The following RFTN1 variants were observed in gnomAD, a reference collection of about 807,000 sequenced individuals.
RFTN1 encodes raftlin.
Under a neutral mutation model 46.5 loss-of-function variants are expected in RFTN1, and 26 were observed. The ratio of observed to expected loss-of-function variants is 0.56; its 90% CI spans 0.41 to 0.78. The LOEUF (loss-of-function observed/expected upper bound fraction) is 0.78. Ranked by LOEUF, RFTN1 falls within the 30% of genes least tolerant of loss-of-function variation. RFTN1 has a pLI of 0.00. For synonymous variants in RFTN1, 261 were observed against 284.2 expected (o/e 0.92, Z 0.82); for missense variants, 693 against 718.7 (o/e 0.96, Z 0.41).
At chr3:16,343,295 C>T (rs1194532564) in intron 7 of RFTN1, among the ~76,000 whole-genome samples, 2 of 152,178 alleles carry the variant, frequency 1.3e-5, no homozygotes, top group Admixed American at 6.5e-5. Flanking sequence ...AGTCCTAGGC[C>T]CCAGCCACTT....
chr3:16,442,129 A>AAAAAC lies in RFTN1; in HGVS notation c.146-8097_146-8093dup, dbSNP rs372224114. ...AACAAACTCATGTATCTGAAACTTA[A>AAAAAC]AAAACAAAACAAAACAAAACAAAAC... On this transcript the variant is annotated intron_variant, in intron 2 of 9. Transcript: ENST00000334133. This position sits in a 1 kb window ranked among gnomAD's most constrained non-coding sequence, Gnocchi z 4.1. Among the ~76,000 whole-genome samples the AAAAAC allele has an allele frequency of 1.3e-3, 192 of 152,286 alleles. 1 individual carries two copies. The highest frequency in any genetic ancestry group is 6.8e-3 in the South Asian group (33 of 4,826).
At chr3:16,456,551 C>T (rs531755340) in intron 2 of RFTN1, among the ~76,000 whole-genome samples, 8 of 152,254 alleles carry the variant, frequency 5.3e-5, no homozygotes, top group Non-Finnish European at 8.8e-5. Flanking sequence ...AAACACCCTC[C>T]GCTGACCAAA....
intron 2 of RFTN1, among the ~76,000 whole-genome samples, chr3:16,439,114 AT>A (rs2075573428): frequency 6.6e-6 from 1 of 152,230 alleles, no homozygotes; most frequent in Admixed American, 6.5e-5. Context: ...AAAGAAACAA[AT>A]AAAAATGAAT....
At chr3:16,404,045 TTA>T (rs1223786588) in intron 4 of RFTN1, among the ~76,000 whole-genome samples, 1 of 5,888 alleles carries the variant, frequency 1.7e-4, no homozygotes, top group African/African-American at 5.4e-4. Context: ...AATATATATT[TTA>T]TATATATATT....
At chr3:16,416,600 T>A (rs903629668) in intron 3 of RFTN1, among the ~76,000 whole-genome samples, 1 of 152,226 alleles carries the variant, frequency 6.6e-6, no homozygotes, top group Non-Finnish European at 1.5e-5. Context: ...CTGTTAAATC[T>A]CAAGTTATTC....
At position 16,362,619 on chromosome 3, in the gene RFTN1, G is replaced by T. The variant is rs75606705; in HGVS notation, c.1031-4572C>A. ...GACACTCAATGATTCCATCAGGATT[G>T]TATCAACACAGCACACATTTCCTCA... On this transcript the variant is annotated intron_variant, in intron 6 of 9. Transcript: ENST00000334133. 9.0e-3 allele frequency among the ~76,000 whole-genome samples: 1,375 copies of T among 152,258 alleles called. 26 individuals carry two copies. Among genetic ancestry groups the T allele is most frequent in the African/African-American group, 0.032 (1,340 of 41,542 alleles).
chr3:16,399,923 T>A (rs2074560559), intron 4 of RFTN1, among the ~76,000 whole-genome samples: 1 of 152,148 alleles, frequency 6.6e-6, no homozygotes, highest in Non-Finnish European at 1.5e-5. Context: ...TACATCTCTG[T>A]CAAGACGCTC....
intron 2 of RFTN1, chr3:16,482,950 C>T (rs2076392457): frequency 1.2e-6 from 1 of 856,548 alleles, no homozygotes; most frequent in South Asian, 1.7e-5. Flanking sequence ...GGGCCTCTTG[C>T]AGCAGTATCA....
chr3:16,498,832 A>G lies in RFTN1; in HGVS notation c.-8-4955T>C, dbSNP rs966345407. ...ACATCATTTCAAAAATGTCTATACC[A>G]TGCTCAAAACAAGTCAGAAAAATCT... On this transcript the variant is annotated intron_variant, in intron 1 of 9. Coordinates refer to ENST00000334133, the MANE Select transcript of RFTN1 (RefSeq NM_015150.2). This position sits in a 1 kb window ranked among gnomAD's most constrained non-coding sequence, Gnocchi z 5.2. 6.6e-6 allele frequency among the ~76,000 whole-genome samples: 1 copy of G among 152,204 alleles called. No individual in the cohort carries two copies. Among genetic ancestry groups the G allele is most frequent in the African/African-American group, 2.4e-5 (1 of 41,452 alleles).
intron 1 of RFTN1, among the ~76,000 whole-genome samples, chr3:16,508,964 G>A (rs1040622957): frequency 6.6e-6 from 1 of 152,214 alleles, no homozygotes; most frequent in Non-Finnish European, 1.5e-5. Context: ...CGGTGAGTGA[G>A]ACGGAAGGAC....
In RFTN1 at chr3:16,345,786, C is replaced by CTCTGTCTG. The variant is rs201934236; in HGVS notation, c.1146+12145_1146+12146insCAGACAGA. On this transcript the variant is annotated intron_variant, in intron 7 of 9. Transcript: ENST00000334133. This position sits in a 1 kb window ranked among gnomAD's most constrained non-coding sequence, Gnocchi z 5.2. ...CATGAGCCAAAACCTTATAATAAAT[C>CTCTGTCTG]TCTGTGTGTGTGTGTGTGTGTGTGT... Among the ~76,000 whole-genome samples, 1 of 81,556 alleles carries CTCTGTCTG rather than the reference C, an allele frequency of 1.2e-5. No homozygotes were observed. The highest frequency in any genetic ancestry group is 2.5e-5 in the Non-Finnish European group (1 of 39,816). The allele number at this position is 81,556 out of a possible 152,430, so 53.5% of individuals were successfully genotyped here.
At chr3:16,454,563 T>C (rs1193840112) in intron 2 of RFTN1, among the ~76,000 whole-genome samples, 1 of 152,192 alleles carries the variant, frequency 6.6e-6, no homozygotes, top group Middle Eastern at 3.2e-3. Context: ...TGGGAAACAG[T>C]TCCCAATCAA....
At position 16,338,976 on chromosome 3, in the gene RFTN1, G is replaced by A. The variant is rs2071116372; in HGVS notation, c.1147-12100C>T. On this transcript the variant is annotated intron_variant, in intron 7 of 9. Coordinates refer to ENST00000334133, the MANE Select transcript of RFTN1 (RefSeq NM_015150.2). This position sits in a 1 kb window ranked among gnomAD's most constrained non-coding sequence, Gnocchi z 5.3. ...AATCATAAAATGCAAACCCAGAAGA[G>A]GTCTCTGAATAAAGGTTGGTTCAAA... Among the ~76,000 whole-genome samples, 1 of 152,118 alleles carries A rather than the reference G, an allele frequency of 6.6e-6. No homozygotes were observed. The highest frequency in any genetic ancestry group is 6.5e-5 in the Admixed American group (1 of 15,276).
In RFTN1 at chr3:16,387,684, TCCAA is replaced by T. The variant is rs1490236615; in HGVS notation, c.442-9586_442-9583del. Among the ~76,000 whole-genome samples the T allele has an allele frequency of 6.7e-6, 1 of 148,608 alleles. No individual in the cohort carries two copies. The highest frequency in any genetic ancestry group is 2.0e-4 in the East Asian group (1 of 4,970). Reference sequence around the variant, plus strand: ...TTAAAAGAAGAAAAAGAGGAAAGAATCCAACCAACAATAGAAGTAAGCAAGCCTC... The same window carrying T: ...TTAAAAGAAGAAAAAGAGGAAAGAATCCAACAATAGAAGTAAGCAAGCCTC... On this transcript the variant is annotated intron_variant, in intron 4 of 9. Transcript: ENST00000334133. The surrounding 1 kb of genome is among the most constrained non-coding windows in gnomAD (Gnocchi z 5.2).
intron 1 of RFTN1, among the ~76,000 whole-genome samples, chr3:16,494,793 G>A (rs1449094635): frequency 6.6e-6 from 1 of 152,152 alleles, no homozygotes; most frequent in East Asian, 1.9e-4. Context: ...TGTGTACTAA[G>A]GATAAACGAT....
At chr3:16,404,308 A>ATAT in intron 4 of RFTN1, among the ~76,000 whole-genome samples, 1 of 40,828 alleles carries the variant, frequency 2.4e-5, no homozygotes, top group Non-Finnish European at 3.7e-5. Context: ...AATATGTAAT[A>ATAT]TATATTATAT....
chr3:16,488,273 A>G (rs529748339), intron 2 of RFTN1, among the ~76,000 whole-genome samples: 1 of 152,118 alleles, frequency 6.6e-6, no homozygotes, highest in African/African-American at 2.4e-5. Flanking sequence ...CTAACTTTGT[A>G]TTTTTAGTAG....
intron 2 of RFTN1, 62 bp downstream of exon 2, chr3:16,493,663 C>T (rs1212314337): frequency 1.4e-5 from 13 of 954,120 alleles, no homozygotes; most frequent in East Asian, 3.3e-5. Flanking sequence ...GCACCCCCAT[C>T]CCCTGCAGGC....
chr3:16,430,360 C>T lies in RFTN1; in HGVS notation c.332+3491G>A, dbSNP rs141733202. Among the ~76,000 whole-genome samples, 36 of 152,308 alleles carry T rather than the reference C, an allele frequency of 2.4e-4. No homozygotes were observed. In the East Asian group the frequency reaches 6.7e-3, roughly 29 times the overall value. ...CTTCTGAGCTCAAGAGAATCTTCTG[C>T]CTTGGTCTCCCAAAGTGCTGGGATT... On this transcript the variant is annotated intron_variant, in intron 3 of 9. Transcript: ENST00000334133.
Sources: gnomAD v4.1 joint callset for allele counts (sites outside exome capture counted in the v4.1 genomes callset) on GRCh38, gnomAD v4.1.1 for gene constraint, Gnocchi (gnomAD v3.1) non-coding constraint, MANE v1.5 for transcripts, NCBI Gene and HGNC (gene_info 2026-07-23, HGNC 2026-07-21) for gene names.